PTN: variants seen among roughly 807,000 people sequenced by gnomAD.
PTN encodes the protein pleiotrophin.
In PTN, 18 loss-of-function variants were observed where a neutral mutation model predicts 24.1. That is an observed-to-expected ratio of 0.75 (90% CI 0.52 to 1.11). The LOEUF is 1.11. Ranked by LOEUF, PTN falls within the 50% of genes least tolerant of loss-of-function variation. PTN has a pLI of 0.00. For synonymous variants in PTN, 78 were observed against 68.6 expected (o/e 1.14, Z -0.67); for missense variants, 163 against 198.8 (o/e 0.82, Z 1.08).
At chr7:137,242,837 C>T (rs191572061) in intron 4 of PTN, among the ~76,000 whole-genome samples, 24 of 152,300 alleles carry the variant, frequency 1.6e-4, no homozygotes, top group African/African-American at 3.8e-4. Flanking sequence ...AGCCACAGCA[C>T]CCCCACGGAC....
At position 137,343,572 on chromosome 7, in the gene PTN, C is replaced by A. The variant is rs774588929; in HGVS notation, c.-135G>T. ...GCTGCTGCTCTCCCCGCCTTCTGGA[C>A]GGATGACTCACTGGTCTCTTTCTTC... is the stretch of plus-strand genomic sequence containing the variant. On this transcript the variant is annotated 5_prime_UTR_variant, in exon 1 of 5. Transcript: ENST00000348225. 3.9e-6 allele frequency: 2 copies of A among 518,986 alleles called. No homozygotes were observed. The highest frequency in any genetic ancestry group is 3.8e-6 in the Non-Finnish European group (1 of 259,882). The allele number at this position is 518,986 out of a possible 1,614,324, so 32.1% of individuals were successfully genotyped here.
chr7:137,247,172 C>T (rs904124175), intron 4 of PTN, among the ~76,000 whole-genome samples: 2 of 152,240 alleles, frequency 1.3e-5, no homozygotes, highest in South Asian at 4.1e-4. Flanking sequence ...GCAGCTTCCA[C>T]CCAAAATAAA....
At chr7:137,265,093 G>GT (rs1203384305) in intron 1 of PTN, among the ~76,000 whole-genome samples, 3 of 151,658 alleles carry the variant, frequency 2.0e-5, no homozygotes, top group African/African-American at 7.3e-5. Flanking sequence ...GCTGTTGGTT[G>GT]TAATAGATGT....
At chr7:137,280,005 T>C (rs1337497699) in intron 1 of PTN, among the ~76,000 whole-genome samples, 1 of 152,146 alleles carries the variant, frequency 6.6e-6, no homozygotes, top group East Asian at 1.9e-4. Context: ...AAAGGAGAAA[T>C]CTAGGATATC....
chr7:137,269,163 T>C (rs1057253152), intron 1 of PTN, among the ~76,000 whole-genome samples: 3 of 143,848 alleles, frequency 2.1e-5, no homozygotes, highest in Non-Finnish European at 4.6e-5. Flanking sequence ...AAATCTGTTC[T>C]TCTGTTCTTT....
chr7:137,236,107 G>C, intron 4 of PTN: 1 of 696,474 alleles, frequency 1.4e-6, no homozygotes, highest in Non-Finnish European at 2.6e-6. Context: ...ATTAATAAAA[G>C]TCCCCAATAT....
intron 4 of PTN, among the ~76,000 whole-genome samples, chr7:137,231,327 C>G (rs1299253492): frequency 6.6e-6 from 1 of 151,676 alleles, no homozygotes; most frequent in East Asian, 1.9e-4. Context: ...CATATTATTT[C>G]CTCTTGGCCT....
chr7:137,279,227 A>G (rs1436502907), intron 1 of PTN, among the ~76,000 whole-genome samples: 1 of 152,134 alleles, frequency 6.6e-6, no homozygotes, highest in Admixed American at 6.6e-5. Flanking sequence ...AGTGATGTTT[A>G]CTCTAGGATG....
intron 1 of PTN, among the ~76,000 whole-genome samples, chr7:137,297,161 G>C (rs975785971): frequency 1.3e-5 from 2 of 152,024 alleles, no homozygotes; most frequent in Admixed American, 6.6e-5. Context: ...TTAAAAATAA[G>C]ACATGTTATA....
chr7:137,277,280 C>T (rs1369438563), intron 1 of PTN, among the ~76,000 whole-genome samples: 1 of 152,130 alleles, frequency 6.6e-6, no homozygotes, highest in East Asian at 1.9e-4. Flanking sequence ...CAAGTGTTGG[C>T]AAAAATGTGG....
At chr7:137,303,852 T>C (rs747771089) in intron 1 of PTN, among the ~76,000 whole-genome samples, 1 of 152,074 alleles carries the variant, frequency 6.6e-6, no homozygotes, top group Non-Finnish European at 1.5e-5. Flanking sequence ...AGGATACTAA[T>C]AGCCTCTTCA....
At chr7:137,229,913 A>T (rs561590765) in intron 4 of PTN, among the ~76,000 whole-genome samples, 2 of 151,956 alleles carry the variant, frequency 1.3e-5, no homozygotes, top group African/African-American at 4.8e-5. Flanking sequence ...TTTAGGCAAC[A>T]GCTGTATATT....
intron 1 of PTN, among the ~76,000 whole-genome samples, chr7:137,342,284 AGCACACACACACGCACATGCACAC>A (rs1810545806): frequency 6.6e-6 from 1 of 152,002 alleles, no homozygotes; most frequent in Non-Finnish European, 1.5e-5. Flanking sequence ...CCCTCTCTCT[AGCACACACACACGCACATGCACAC>A]GCACACACAC....
intron 1 of PTN, among the ~76,000 whole-genome samples, chr7:137,268,431 T>C (rs1362150346): frequency 6.6e-6 from 1 of 151,492 alleles, no homozygotes; most frequent in Non-Finnish European, 1.5e-5. Context: ...ATCAGCAGCC[T>C]AGCGTCTTAA....
intron 1 of PTN, among the ~76,000 whole-genome samples, chr7:137,281,267 G>A (rs556672182): frequency 6.6e-5 from 10 of 151,580 alleles, no homozygotes; most frequent in Non-Finnish European, 1.0e-4. Context: ...AAAAAAAAAC[G>A]TAGAAATAGA....
chr7:137,317,827 C>T (rs575976715), intron 1 of PTN, among the ~76,000 whole-genome samples: 2 of 152,170 alleles, frequency 1.3e-5, no homozygotes, highest in African/African-American at 4.8e-5. Flanking sequence ...CAGGAAGATG[C>T]GTCAACTGAG....
In PTN at chr7:137,260,589, C is replaced by A. The variant is rs575197480; in HGVS notation, c.-1-5615G>T. On this transcript the variant is annotated intron_variant, in intron 1 of 4. Coordinates refer to ENST00000348225, the MANE Select transcript of PTN (RefSeq NM_002825.7). Reference sequence around the variant, plus strand: ...ATACAGGATTACCCTCCATCACTTTCTTTTTCTTGCTTTTTACTTTTACAA... The same window carrying A: ...ATACAGGATTACCCTCCATCACTTTATTTTTCTTGCTTTTTACTTTTACAA... Among the ~76,000 whole-genome samples the A allele has an allele frequency of 2.0e-5, 3 of 152,182 alleles. No homozygotes were observed. The South Asian group carries it at 6.2e-4, about 32-fold the overall frequency.
chr7:137,322,202 T>C (rs1216319048), intron 1 of PTN, among the ~76,000 whole-genome samples: 1 of 152,232 alleles, frequency 6.6e-6, no homozygotes, highest in East Asian at 1.9e-4. Context: ...TGAAAGCAGG[T>C]ACCTAATAGG....
At chr7:137,252,897 C>T (rs1193952267) in intron 3 of PTN, among the ~76,000 whole-genome samples, 1 of 148,994 alleles carries the variant, frequency 6.7e-6, no homozygotes, top group African/African-American at 2.6e-5. Context: ...CTGTGAGCAG[C>T]CCTGCTGAAC....
Sources: gnomAD v4.1 joint callset for allele counts (sites outside exome capture counted in the v4.1 genomes callset) on GRCh38, gnomAD v4.1.1 for gene constraint, MANE v1.5 for transcripts, NCBI Gene and HGNC (gene_info 2026-07-23, HGNC 2026-07-21) for gene names.